The following KLHL4 variants were observed in gnomAD, a reference collection of about 807,000 sequenced individuals.
KLHL4 encodes the protein kelch like family member 4, also known as kelch-like protein 4.
Under a neutral mutation model 45.8 loss-of-function variants are expected in KLHL4, and 17 were observed. That is an observed-to-expected ratio of 0.37 (90% confidence interval 0.25 to 0.56). The LOEUF (loss-of-function observed/expected upper bound fraction) is 0.56, where lower values mean the gene tolerates loss of function less well. Ranked by LOEUF, KLHL4 falls within the 20% of genes least tolerant of loss-of-function variation. The pLI, the probability that KLHL4 is intolerant of heterozygous loss-of-function variation, is 0.79. For missense variants in KLHL4, 544 were observed against 544.9 expected (o/e 1.00, Z 0.02); for synonymous variants, 224 against 189.9 (o/e 1.18, Z -1.47).
At chrX:87,611,314 A>G (rs1434949189) in intron 1 of KLHL4, among the ~76,000 whole-genome samples, 4 of 111,284 alleles carry the variant, frequency 3.6e-5, no homozygotes, top group Non-Finnish European at 7.5e-5. Flanking sequence ...TGGTTTCTAT[A>G]CTAGTGTTTA....
Position 87,667,374 on chromosome X carries a change from C to T in KLHL4, c.*840C>T. ...TGTTCTCCTCAAACATTTATGTTAA[C>T]TCTATAAACAAATATCGTTAAGTTA... is the stretch of plus-strand genomic sequence containing the variant. On this transcript the variant is annotated 3_prime_UTR_variant, in exon 11 of 11. Transcript: ENST00000373119. 5 of 701,803 alleles carry T rather than the reference C, an allele frequency of 7.1e-6. No individual in the cohort carries two copies. The highest frequency in any genetic ancestry group is 8.4e-6 in the Non-Finnish European group (5 of 591,821). The allele number at this position is 701,803 out of a possible 1,213,427, so 57.8% of individuals were successfully genotyped here. A position where few individuals can be genotyped will look rare whatever the true frequency, so the allele number is the denominator to read the frequency against.
chrX:87,572,233 T>A (rs1214164428), intron 1 of KLHL4, among the ~76,000 whole-genome samples: 1 of 111,216 alleles, frequency 9.0e-6, no homozygotes, highest in Non-Finnish European at 1.9e-5. Flanking sequence ...AAATAAAGTA[T>A]AAAATATTAC....
rs1369889296 is a variant in KLHL4, at chrX:87,555,775, T to A, written c.422+37460T>A. ...CCTTCTGCTAGCTTTTGAATGTGTT[T>A]GCTCTTGCTTTTCTAGTTCTTTTAA... On this transcript the variant is annotated intron_variant, in intron 1 of 10. Coordinates refer to ENST00000373119, the MANE Select transcript of KLHL4 (RefSeq NM_019117.5). Among the ~76,000 whole-genome samples the A allele has an allele frequency of 7.4e-5, 8 of 108,319 alleles. No individual in the cohort carries two copies. In the East Asian group the frequency reaches 1.5e-3, roughly 20 times the overall value. The allele number at this position is 108,319 out of a possible 115,157, so 94.1% of individuals were successfully genotyped here. A position where few individuals can be genotyped will look rare whatever the true frequency, so the allele number is the denominator to read the frequency against.
At chrX:87,554,690 C>G (rs1260849084) in intron 1 of KLHL4, among the ~76,000 whole-genome samples, 1 of 108,011 alleles carries the variant, frequency 9.3e-6, no homozygotes, top group Admixed American at 1.0e-4. Flanking sequence ...TCCTCTTTTC[C>G]TAATTGAATG....
At chrX:87,619,353 T>C (rs975804080) in intron 4 of KLHL4, among the ~76,000 whole-genome samples, 2 of 111,760 alleles carry the variant, frequency 1.8e-5, no homozygotes, top group African/African-American at 6.5e-5. Flanking sequence ...ATCAAATCTT[T>C]CTCCCTCCTA....
chrX:87,541,164 G>A (rs1931542779), intron 1 of KLHL4, among the ~76,000 whole-genome samples: 1 of 109,464 alleles, frequency 9.1e-6, no homozygotes, highest in Non-Finnish European at 1.9e-5. Context: ...TGATAGTGAG[G>A]GTGTTCTCAT....
chrX:87,630,673 T>C (rs187647932), intron 6 of KLHL4, among the ~76,000 whole-genome samples: 175 of 112,489 alleles, frequency 1.6e-3, no homozygotes, highest in African/African-American at 5.3e-3. Context: ...CAATTCATTA[T>C]GGCAGTAGTG....
At chrX:87,641,331 G>A (rs1421971725) in intron 9 of KLHL4, among the ~76,000 whole-genome samples, 3 of 111,900 alleles carry the variant, frequency 2.7e-5, no homozygotes, top group Non-Finnish European at 5.6e-5. Context: ...CTGGAGCTGA[G>A]GCAATTTAGA....
At chrX:87,601,457 C>T (rs1922013799) in intron 1 of KLHL4, among the ~76,000 whole-genome samples, 1 of 111,619 alleles carries the variant, frequency 9.0e-6, no homozygotes, top group Non-Finnish European at 1.9e-5. Context: ...AATGCTTTTC[C>T]CTTACCAGTG....
chrX:87,585,514 T>A (rs922156386), intron 1 of KLHL4, among the ~76,000 whole-genome samples: 2 of 111,632 alleles, frequency 1.8e-5, no homozygotes, highest in Non-Finnish European at 3.8e-5. Context: ...TCTTTTTGTT[T>A]GTTTGTTTAT....
chrX:87,524,890 G>T (rs1381585837), intron 1 of KLHL4, among the ~76,000 whole-genome samples: 1 of 111,490 alleles, frequency 9.0e-6, no homozygotes, highest in Admixed American at 9.6e-5. Context: ...TTTTAGCAAG[G>T]GTTATCTGCG....
chrX:87,609,367 G>C (rs1922298406), intron 1 of KLHL4, among the ~76,000 whole-genome samples: 1 of 111,919 alleles, frequency 8.9e-6, no homozygotes, highest in Non-Finnish European at 1.9e-5. Flanking sequence ...CTAGTTTACA[G>C]TCCCACCAAC....
chrX:87,532,730 CTGTT>C (rs1429913507), intron 1 of KLHL4, among the ~76,000 whole-genome samples: 14 of 107,108 alleles, frequency 1.3e-4, no homozygotes, highest in South Asian at 8.5e-4. Context: ...ATTTGGCTCT[CTGTT>C]TGTCTGTTAT....
At chrX:87,598,323 CA>C (rs1921902759) in intron 1 of KLHL4, among the ~76,000 whole-genome samples, 2 of 111,028 alleles carry the variant, frequency 1.8e-5, no homozygotes, top group African/African-American at 6.5e-5. Context: ...TAAACAGTAT[CA>C]ATCTACCACC....
chrX:87,660,009 T>A (rs1213733964), intron 9 of KLHL4, among the ~76,000 whole-genome samples: 2 of 110,719 alleles, frequency 1.8e-5, no homozygotes, highest in Non-Finnish European at 1.9e-5. Context: ...ATTCCCCAAA[T>A]ACATGGCCCA....
chrX:87,564,133 C>A (rs1314701368), intron 1 of KLHL4, among the ~76,000 whole-genome samples: 2 of 111,004 alleles, frequency 1.8e-5, no homozygotes, highest in African/African-American at 6.5e-5. Flanking sequence ...AGTAAGTACA[C>A]CGACAAATAC....
At chrX:87,661,831 CAGAT>C (rs1924199688) in intron 9 of KLHL4, among the ~76,000 whole-genome samples, 1 of 111,563 alleles carries the variant, frequency 9.0e-6, no homozygotes, top group Non-Finnish European at 1.9e-5. Context: ...GATTAGATGT[CAGAT>C]AGATCTGAGT....
intron 9 of KLHL4, among the ~76,000 whole-genome samples, chrX:87,640,142 G>C (rs767670837): frequency 9.0e-6 from 1 of 110,503 alleles, no homozygotes; most frequent in Non-Finnish European, 1.9e-5. Flanking sequence ...ATTAAACTAG[G>C]AAGAAATAGA....
At position 87,518,293 on chromosome X, in the gene KLHL4, A is replaced by C. The variant is rs1317663590; in HGVS notation, c.400A>C (p.Asn134His). 8.3e-7 allele frequency: 1 copy of C among 1,208,577 alleles called. No homozygotes were observed. ...AQDLEMMADD[N>H]IEDSTARLDT... ...AGATTTGGAGATGATGGCTGATGAC[A>C]ATATAGAAGATTCTACAGCAAGGTA... Residue 134 changes from asparagine (N) to histidine (H), a missense_variant, in exon 1 of 11, where the codon AAT becomes CAT. Physicochemically the swap from Asn to His is moderately conservative, Grantham distance 68. Coordinates refer to ENST00000373119, the MANE Select transcript of KLHL4 (RefSeq NM_019117.5).
Sources: gnomAD v4.1 joint callset for allele counts (sites outside exome capture counted in the v4.1 genomes callset) on GRCh38, gnomAD v4.1.1 for gene constraint, MANE v1.5 for transcripts, NCBI Gene and HGNC (gene_info 2026-07-23, HGNC 2026-07-21) for gene names.